HERC3: variants seen among roughly 807,000 people sequenced by gnomAD.
HERC3 encodes probable E3 ubiquitin-protein ligase HERC3.
In HERC3, 58 loss-of-function variants were observed where a neutral mutation model predicts 129.9. The ratio of observed to expected loss-of-function variants is 0.45; its 90% confidence interval spans 0.36 to 0.56. HERC3 has a LOEUF of 0.56. Ranked by LOEUF, HERC3 falls within the 20% of genes least tolerant of loss-of-function variation. The probability of loss-of-function intolerance (pLI) is 0.00; values close to 1 mark genes in which losing one functional copy is unlikely to be tolerated. For missense variants in HERC3, 835 were observed against 1,244.2 expected, an observed-to-expected ratio of 0.67 and a Z score of 4.95; for synonymous variants, 430 against 451.0, an observed-to-expected ratio of 0.95 and a Z score of 0.59.
In HERC3 at chr4:88,664,770, CAAAAG is replaced by C. The variant is rs1002141450; in HGVS notation, c.1331+559_1331+563del. Among the ~76,000 whole-genome samples the C allele has an allele frequency of 3.3e-5, 5 of 151,946 alleles. No homozygotes were observed. In the South Asian group the frequency reaches 6.2e-4, roughly 19 times the overall value. On this transcript the variant is annotated intron_variant, in intron 12 of 25. Transcript: ENST00000402738. The stretch of plus-strand genomic sequence containing the variant: ...TTTATTATTTTTTATTTTTTTCTCT[CAAAAG>C]GAGTGAATTTCAGGGAGTAATTCTA...
chr4:88,602,217 A>T (rs1723072138), intron 2 of HERC3, among the ~76,000 whole-genome samples: 1 of 151,808 alleles, frequency 6.6e-6, no homozygotes, highest in African/African-American at 2.4e-5. Context: ...CCTGCCCAAC[A>T]TGGCGAAACC....
chr4:88,583,341 C>G, the HERC3 span, among the ~76,000 whole-genome samples: 6 of 151,486 alleles, frequency 4.0e-5, no homozygotes, highest in South Asian at 1.0e-3. Context: ...GAGGCTAAGA[C>G]AGGAGAATTG....
At chr4:88,574,937 G>A in the HERC3 span, among the ~76,000 whole-genome samples, 1 of 152,118 alleles carries the variant, frequency 6.6e-6, no homozygotes, top group Non-Finnish European at 1.5e-5. Flanking sequence ...CCCAGGAGTA[G>A]AATGGCTGGG....
At chr4:88,672,483 AT>A (rs1004416529) in intron 16 of HERC3, among the ~76,000 whole-genome samples, 1 of 152,198 alleles carries the variant, frequency 6.6e-6, no homozygotes, top group African/African-American at 2.4e-5. Flanking sequence ...ATGTCTTGAT[AT>A]TTTGAAGTTT....
Position 88,632,284 on chromosome 4 carries a change from C to T in HERC3, c.227-17556C>T, listed in dbSNP as rs562845605. ...CACTCTGTGGTGTACGCAGGGCACA[C>T]ATCTGAAAAGCAGTGCAAAGGCTTT... On this transcript the variant is annotated intron_variant, in intron 3 of 25. Transcript: ENST00000402738. Among the ~76,000 whole-genome samples the T allele has an allele frequency of 6.6e-5, 10 of 152,322 alleles. No homozygotes were observed. In the South Asian group the frequency reaches 2.1e-3, roughly 32 times the overall value.
intron 11 of HERC3, among the ~76,000 whole-genome samples, 184 bp downstream of exon 11, chr4:88,662,739 T>C (rs1353878093): frequency 6.6e-6 from 1 of 152,138 alleles, no homozygotes; most frequent in Non-Finnish European, 1.5e-5. Context: ...AATAGCATAA[T>C]GGATGGATCC....
the HERC3 span, among the ~76,000 whole-genome samples, chr4:88,564,403 G>T: frequency 6.6e-6 from 1 of 152,212 alleles, no homozygotes; most frequent in Non-Finnish European, 1.5e-5. Context: ...TTGCCATCAA[G>T]TGTCAGGCTA....
intron 3 of HERC3, among the ~76,000 whole-genome samples, chr4:88,608,985 CTA>C (rs1474210383): frequency 1.3e-5 from 2 of 152,032 alleles, no homozygotes; most frequent in African/African-American, 4.8e-5. Flanking sequence ...CATTACATCT[CTA>C]ATCTAAAATG....
rs2149351739 is a variant in HERC3, at chr4:88,704,519, C to T, written c.2853C>T (p.Tyr951=). 9 of 1,606,268 alleles carry T rather than the reference C, an allele frequency of 5.6e-6. No individual in the cohort carries two copies. The East Asian group carries it at 1.8e-4, about 32-fold the overall frequency. Residue 951 remains tyrosine (Y), a synonymous_variant, in exon 25 of 26, where the codon TAC becomes TAT. Coordinates refer to ENST00000402738, the MANE Select transcript of HERC3 (RefSeq NM_014606.3). ...TCTTTTTTGGACAGACTGCCATCTACAAGGGAGATTACTCGGCCACACATC... is the reference window on the plus strand; with the variant it reads ...TCTTTTTTGGACAGACTGCCATCTATAAGGGAGATTACTCGGCCACACATC... The part of the protein sequence containing the change: ...NWEELEETAI[Y]KGDYSATHPT...
At chr4:88,580,548 T>G in the HERC3 span, among the ~76,000 whole-genome samples, 1 of 151,950 alleles carries the variant, frequency 6.6e-6, no homozygotes, top group Non-Finnish European at 1.5e-5. Context: ...GAAGTGGAAT[T>G]AATTTTCTGG....
chr4:88,591,518 T>C (rs970567519), upstream of HERC3, among the ~76,000 whole-genome samples: 2 of 152,198 alleles, frequency 1.3e-5, no homozygotes, highest in African/African-American at 2.4e-5. Context: ...TGCCAGGTTA[T>C]AGAAATTCTT....
At chr4:88,581,300 T>C in the HERC3 span, among the ~76,000 whole-genome samples, 1 of 151,318 alleles carries the variant, frequency 6.6e-6, no homozygotes, top group Non-Finnish European at 1.5e-5. Context: ...TTATTATTAT[T>C]ATTATTATTT....
chr4:88,593,635 A>G (rs1463265747), intron 1 of HERC3: 1 of 152,190 alleles, frequency 6.6e-6, no homozygotes, highest in African/African-American at 2.4e-5. Flanking sequence ...TTCATCACGC[A>G]TAGAATGCTT....
the HERC3 span, among the ~76,000 whole-genome samples, chr4:88,579,687 TC>T: frequency 6.6e-6 from 1 of 152,040 alleles, no homozygotes; most frequent in Non-Finnish European, 1.5e-5. Context: ...GAATAATCTA[TC>T]CCCCTCTGCC....
chr4:88,549,066 C>A, the HERC3 span, among the ~76,000 whole-genome samples: 1 of 152,156 alleles, frequency 6.6e-6, no homozygotes, highest in African/African-American at 2.4e-5. Flanking sequence ...TTGCCTAATC[C>A]AAGTTCACAA....
the HERC3 span, among the ~76,000 whole-genome samples, chr4:88,582,832 G>A: frequency 6.6e-6 from 1 of 152,180 alleles, no homozygotes; most frequent in Admixed American, 6.5e-5. Flanking sequence ...TCTGTCCTTT[G>A]GAACCATTAA....
the HERC3 span, among the ~76,000 whole-genome samples, chr4:88,554,426 CAT>C: frequency 6.6e-6 from 1 of 150,934 alleles, no homozygotes; most frequent in Non-Finnish European, 1.5e-5. Flanking sequence ...GTAGCAGGCA[CAT>C]AATTTTCAAT....
chr4:88,594,429 G>C (rs1722111393), intron 1 of HERC3, among the ~76,000 whole-genome samples: 1 of 152,040 alleles, frequency 6.6e-6, no homozygotes, highest in Admixed American at 6.5e-5. Context: ...CGAGATGGGG[G>C]GTCTCGCTCT....
chr4:88,603,304 T>C (rs1723229427), intron 2 of HERC3, among the ~76,000 whole-genome samples: 1 of 149,890 alleles, frequency 6.7e-6, no homozygotes, highest in Non-Finnish European at 1.5e-5. Flanking sequence ...GCCTCCTGGG[T>C]TCAAGCGATT....
Sources: gnomAD v4.1 joint callset for allele counts (sites outside exome capture counted in the v4.1 genomes callset) on GRCh38, gnomAD v4.1.1 for gene constraint, MANE v1.5 for transcripts, NCBI Gene and HGNC (gene_info 2026-07-23, HGNC 2026-07-21) for gene names.